The following ZNF503 variants were observed in gnomAD, a reference collection of about 807,000 sequenced individuals.
The protein encoded by ZNF503 is NocA-like zinc finger 2.
In ZNF503, 15 loss-of-function variants were observed where a neutral mutation model predicts 34.4. The ratio of observed to expected loss-of-function variants is 0.44; its 90% CI spans 0.29 to 0.67. The LOEUF (loss-of-function observed/expected upper bound fraction) is 0.67. Ranked by LOEUF, ZNF503 falls within the 30% of genes least tolerant of loss-of-function variation. The pLI is 0.13. For missense variants in ZNF503, 1,007 were observed against 926.8 expected, an observed-to-expected ratio of 1.09 and a Z score of -1.12; for synonymous variants, 580 against 456.8, an observed-to-expected ratio of 1.27 and a Z score of -3.44.
the ZNF503 span, among the ~76,000 whole-genome samples, chr10:75,324,327 T>TG: frequency 2.9e-5 from 3 of 102,310 alleles, no homozygotes; most frequent in Non-Finnish European, 4.5e-5. Context: ...TTTGTTTTTC[T>TG]GTTTTTTTTT....
chr10:75,365,907 A>T, the ZNF503 span, among the ~76,000 whole-genome samples: 1 of 152,184 alleles, frequency 6.6e-6, no homozygotes, highest in African/African-American at 2.4e-5. Flanking sequence ...GGCTCTGGGA[A>T]CATAAGGGAG....
At chr10:75,337,229 T>TAAGGTAGGAGGATGGC in the ZNF503 span, among the ~76,000 whole-genome samples, 1 of 151,730 alleles carries the variant, frequency 6.6e-6, no homozygotes, top group Admixed American at 6.6e-5. Flanking sequence ...GAGGCTGGCT[T>TAAGGTAGGAGGATGGC]AAGGTAGGAG....
chr10:75,317,620 T>G, the ZNF503 span, among the ~76,000 whole-genome samples: 3 of 152,062 alleles, frequency 2.0e-5, no homozygotes, highest in Non-Finnish European at 2.9e-5. Context: ...GAAATTAAAT[T>G]TCAACATAAG....
the ZNF503 span, among the ~76,000 whole-genome samples, chr10:75,311,449 T>C: frequency 2.6e-5 from 4 of 152,248 alleles, no homozygotes; most frequent in African/African-American, 9.6e-5. Context: ...CAACAATCAA[T>C]AAATATCCAC....
the ZNF503 span, among the ~76,000 whole-genome samples, chr10:75,320,137 A>G: frequency 2.0e-5 from 3 of 152,196 alleles, no homozygotes; most frequent in Non-Finnish European, 4.4e-5. Flanking sequence ...AAGAAAGAAA[A>G]CTACAGACCA....
the ZNF503 span, among the ~76,000 whole-genome samples, chr10:75,302,345 A>T: frequency 6.6e-6 from 1 of 152,066 alleles, no homozygotes; most frequent in East Asian, 1.9e-4. Context: ...CTAGGTGTAG[A>T]TCTCTTTTTA....
At chr10:75,304,890 A>G in the ZNF503 span, among the ~76,000 whole-genome samples, 1 of 152,158 alleles carries the variant, frequency 6.6e-6, no homozygotes, top group East Asian at 1.9e-4. Context: ...GAACTCACAG[A>G]TGACTCATTA....
the ZNF503 span, among the ~76,000 whole-genome samples, chr10:75,287,760 A>T: frequency 6.6e-6 from 1 of 152,176 alleles, no homozygotes. Flanking sequence ...TTTTCCTCAC[A>T]TCAGGTCATG....
chr10:75,283,101 A>C, the ZNF503 span, among the ~76,000 whole-genome samples: 1 of 152,238 alleles, frequency 6.6e-6, no homozygotes, highest in Non-Finnish European at 1.5e-5. Flanking sequence ...AAGGGAGAAA[A>C]GCACAGGGAG....
the ZNF503 span, among the ~76,000 whole-genome samples, chr10:75,285,704 GTGTT>G: frequency 7.3e-3 from 1,109 of 152,280 alleles, 6 homozygotes; most frequent in Non-Finnish European, 0.01. Flanking sequence ...TCAGGTCTTT[GTGTT>G]TGTTTATTTT....
the ZNF503 span, among the ~76,000 whole-genome samples, chr10:75,333,144 G>A: frequency 7.9e-4 from 109 of 137,528 alleles, 2 homozygotes; most frequent in Middle Eastern, 3.8e-3. Context: ...GCGGCTGGCC[G>A]GGCAGAGGGG....
chr10:75,393,005 T>C (rs149170255), downstream of ZNF503, among the ~76,000 whole-genome samples: 87 of 152,364 alleles, frequency 5.7e-4, no homozygotes, highest in African/African-American at 1.9e-3. Flanking sequence ...TAGGTTAGAC[T>C]GAACCTAAAT....
chr10:75,399,109 C>G lies in ZNF503; in HGVS notation c.1581G>C (p.Lys527Asn), dbSNP rs1392789726. ...NWVSANGPCD[K>N]RFATSEELLS... is the part of the protein sequence containing the mutation. ...GCAGCTCTTCGGACGTGGCGAAGCG[C>G]TTGTCGCACGGCCCGTTGGCCGACA... The change falls in exon 2 of 2, where the codon AAG becomes AAC. Residue 527 changes from lysine (K) to asparagine (N), a missense_variant. Transcript: ENST00000372524. 1.2e-6 allele frequency: 2 copies of G among 1,613,616 alleles called. No homozygotes were observed. Among genetic ancestry groups the G allele is most frequent in the African/African-American group, 2.7e-5 (2 of 74,924 alleles).
chr10:75,348,205 G>A, the ZNF503 span, among the ~76,000 whole-genome samples: 1 of 152,080 alleles, frequency 6.6e-6, no homozygotes, highest in Non-Finnish European at 1.5e-5. Flanking sequence ...TGGGATTACA[G>A]TCATGTGCCA....
the ZNF503 span, among the ~76,000 whole-genome samples, chr10:75,301,761 C>A: frequency 3.8e-4 from 58 of 152,010 alleles, no homozygotes; most frequent in Non-Finnish European, 7.1e-4. Flanking sequence ...AAACTTTGCT[C>A]CAATACATCT....
the ZNF503 span, among the ~76,000 whole-genome samples, chr10:75,325,672 T>C: frequency 3.9e-5 from 6 of 152,214 alleles, no homozygotes; most frequent in Admixed American, 1.3e-4. Flanking sequence ...GAGATTTTGA[T>C]TGGGGTTGCA....
the ZNF503 span, among the ~76,000 whole-genome samples, chr10:75,387,252 T>C: frequency 6.6e-6 from 1 of 152,352 alleles, no homozygotes; most frequent in South Asian, 2.1e-4. Context: ...ACATTCTGTT[T>C]GCTCTGAGTG....
chr10:75,388,647 C>T, the ZNF503 span, among the ~76,000 whole-genome samples: 1 of 152,246 alleles, frequency 6.6e-6, no homozygotes, highest in African/African-American at 2.4e-5. Flanking sequence ...GCCTCAGTTT[C>T]CCCATCCATA....
the ZNF503 span, among the ~76,000 whole-genome samples, chr10:75,386,506 T>C: frequency 6.6e-6 from 1 of 152,072 alleles, no homozygotes; most frequent in African/African-American, 2.4e-5. Flanking sequence ...CCAGGTAGAG[T>C]CCATTCATTC....
Sources: gnomAD v4.1 joint callset for allele counts (sites outside exome capture counted in the v4.1 genomes callset) on GRCh38, gnomAD v4.1.1 for gene constraint, MANE v1.5 for transcripts, NCBI Gene and HGNC (gene_info 2026-07-23, HGNC 2026-07-21) for gene names.